Variants in ZZEF1 observed in about 807,000 individuals in gnomAD.
ZZEF1 encodes zinc finger ZZ-type and EF-hand domain containing 1, also known as zinc finger ZZ-type and EF-hand domain-containing protein 1.
In ZZEF1, 157 loss-of-function variants were observed where a neutral mutation model predicts 342.8. The observed-to-expected ratio is 0.46, with a 90% CI of 0.40 to 0.52. The LOEUF (loss-of-function observed/expected upper bound fraction) is 0.52, where lower values mean the gene tolerates loss of function less well. Among genes scored for constraint, ZZEF1 ranks in the 20% least tolerant of loss-of-function variants. The probability of loss-of-function intolerance (pLI) is 0.00; values close to 1 mark genes in which losing one functional copy is unlikely to be tolerated. For missense variants in ZZEF1, 3,480 were observed against 3,725.6 expected (o/e 0.93, Z 1.72); for synonymous variants, 1,505 against 1,429.1 (o/e 1.05, Z -1.20).
chr17:4,102,884 G>A (rs1479074167), intron 8 of ZZEF1, among the ~76,000 whole-genome samples: 4 of 150,526 alleles, frequency 2.7e-5, no homozygotes, highest in Non-Finnish European at 4.4e-5. Flanking sequence ...ACTTGGCTTT[G>A]GCAAAAAAAA....
chr17:4,138,563 G>A (rs1377577832), intron 1 of ZZEF1, among the ~76,000 whole-genome samples: 1 of 152,150 alleles, frequency 6.6e-6, no homozygotes, highest in East Asian at 1.9e-4. Context: ...AACCACCCAG[G>A]ACTGTGCTAA....
At chr17:4,082,835 G>A (rs1367273791) in intron 16 of ZZEF1, among the ~76,000 whole-genome samples, 1 of 152,170 alleles carries the variant, frequency 6.6e-6, no homozygotes, top group Non-Finnish European at 1.5e-5. Context: ...GAGTGCAATG[G>A]CGCGATCTCA....
intron 13 of ZZEF1, 57 bp from the exon 14 acceptor site, chr17:4,087,591 C>T: frequency 7.1e-7 from 1 of 1,414,272 alleles, no homozygotes; most frequent in Non-Finnish European, 9.7e-7. Flanking sequence ...TAGAGAAATA[C>T]TGTAATGCCT....
chr17:4,063,919 G>C (rs939002684), intron 29 of ZZEF1, among the ~76,000 whole-genome samples: 4 of 152,030 alleles, frequency 2.6e-5, no homozygotes, highest in African/African-American at 9.7e-5. Flanking sequence ...GTACAGATGA[G>C]GTTTCACCAT....
intron 2 of ZZEF1, among the ~76,000 whole-genome samples, chr17:4,117,731 A>T (rs1462622780): frequency 3.3e-5 from 5 of 151,578 alleles, no homozygotes; most frequent in Non-Finnish European, 7.4e-5. Context: ...TTTTTGTTTC[A>T]ATCCAATCTT....
At chr17:4,043,731 C>T (rs899723630) in intron 38 of ZZEF1, among the ~76,000 whole-genome samples, 2 of 152,216 alleles carry the variant, frequency 1.3e-5, no homozygotes, top group Non-Finnish European at 1.5e-5. Flanking sequence ...CTTTCTTCTC[C>T]GAACGCCCAT....
chr17:4,100,430 G>C (rs2058107606), intron 9 of ZZEF1, among the ~76,000 whole-genome samples: 1 of 152,104 alleles, frequency 6.6e-6, no homozygotes, highest in Non-Finnish European at 1.5e-5. Flanking sequence ...ACTACAGCTA[G>C]ATTTTTAAAA....
intron 14 of ZZEF1, 54 bp downstream of exon 14, chr17:4,087,380 A>C: frequency 1.4e-6 from 2 of 1,445,788 alleles, no homozygotes; most frequent in East Asian, 2.3e-5. Flanking sequence ...AGAATAGTAA[A>C]ACTCATTGTT....
At chr17:4,012,355 C>G (rs1295202880) in intron 52 of ZZEF1, among the ~76,000 whole-genome samples, 1 of 152,212 alleles carries the variant, frequency 6.6e-6, no homozygotes, top group Non-Finnish European at 1.5e-5. Context: ...ATCTTGTTCT[C>G]TCCCCTGACT....
chr17:4,135,198 A>G (rs2058729244), intron 1 of ZZEF1, among the ~76,000 whole-genome samples: 2 of 152,214 alleles, frequency 1.3e-5, no homozygotes, highest in South Asian at 4.1e-4. Flanking sequence ...CCTTTGTGCC[A>G]GATGCGTTGG....
intron 39 of ZZEF1, among the ~76,000 whole-genome samples, 166 bp downstream of exon 39, chr17:4,042,263 A>G (rs539734308): frequency 6.6e-6 from 1 of 152,212 alleles, no homozygotes; most frequent in South Asian, 2.1e-4. Context: ...ACACACACAT[A>G]TATATTTACA....
intron 53 of ZZEF1, chr17:4,009,183 C>T (rs1043737867): frequency 4.0e-5 from 24 of 597,158 alleles, no homozygotes; most frequent in Admixed American, 3.6e-4. Flanking sequence ...CAGGCCGGGA[C>T]CCCTCCTCAA....
intron 5 of ZZEF1, 58 bp from the exon 6 acceptor site, chr17:4,109,921 G>T: frequency 1.3e-6 from 2 of 1,566,990 alleles, no homozygotes; most frequent in Non-Finnish European, 8.7e-7. Flanking sequence ...CAAATGCTGG[G>T]CTCCCAACTA....
Position 4,032,250 on chromosome 17 carries a change from A to G in ZZEF1, c.6768T>C (p.Cys2256=). The part of the protein sequence containing the change: ...LVLVGFPQVL[C]VGTRCVYMDN... Reference sequence around the variant, plus strand: ...CCATATAAACGCAGCGGGTTCCCACACAGAGGACCTAGAACGTGGTAGACA... The same window carrying G: ...CCATATAAACGCAGCGGGTTCCCACGCAGAGGACCTAGAACGTGGTAGACA... Residue 2256 remains cysteine, a synonymous_variant, in exon 42 of 55, where the codon TGT becomes TGC. Transcript: ENST00000381638. 6.2e-7 allele frequency: 1 copy of G among 1,612,144 alleles called. No individual in the cohort carries two copies. The highest frequency in any genetic ancestry group is 1.7e-4 in the Middle Eastern group (1 of 6,054).
chr17:4,117,585 T>C (rs902598645), intron 2 of ZZEF1, among the ~76,000 whole-genome samples: 1 of 138,820 alleles, frequency 7.2e-6, no homozygotes, highest in African/African-American at 2.7e-5. Context: ...GGGGCGGAGG[T>C]TGCAGTGAGC....
At chr17:4,038,196 G>A (rs2056717607) in intron 39 of ZZEF1, among the ~76,000 whole-genome samples, 1 of 152,210 alleles carries the variant, frequency 6.6e-6, no homozygotes, top group Non-Finnish European at 1.5e-5. Context: ...TTCATGTGCT[G>A]CCGTGGGAGT....
intron 49 of ZZEF1, among the ~76,000 whole-genome samples, chr17:4,015,938 G>A (rs1344715620): frequency 1.3e-5 from 2 of 152,218 alleles, no homozygotes; most frequent in South Asian, 2.1e-4. Flanking sequence ...TAGTATCCAC[G>A]GTGGGGGCAG....
At chr17:4,023,654 TCCA>T (rs1214235233) in intron 43 of ZZEF1, among the ~76,000 whole-genome samples, 2 of 26,282 alleles carry the variant, frequency 7.6e-5, no homozygotes, top group African/African-American at 1.6e-4. Flanking sequence ...ACCCTGTCTC[TCCA>T]AAAAAAAAAA....
intron 30 of ZZEF1, among the ~76,000 whole-genome samples, chr17:4,062,188 G>A (rs1486231048): frequency 6.6e-6 from 1 of 151,848 alleles, no homozygotes; most frequent in Admixed American, 6.6e-5. Context: ...TCACCTCTTT[G>A]GCTTTCATCT....
Sources: allele counts gnomAD v4.1 joint callset (sites outside exome capture counted in the v4.1 genomes callset), GRCh38; gene constraint gnomAD v4.1.1; transcripts MANE v1.5; gene names NCBI Gene and HGNC (gene_info 2026-07-23, HGNC 2026-07-21).